Variants in SGMS1 observed in about 807,000 individuals in gnomAD.
SGMS1 encodes the protein phosphatidylcholine:ceramide cholinephosphotransferase 1.
In SGMS1, 13 loss-of-function variants were observed where a neutral mutation model predicts 46.2. That is an observed-to-expected ratio of 0.28 (90% confidence interval 0.18 to 0.45). The LOEUF is 0.45. Ranked by LOEUF, SGMS1 falls within the 20% of genes least tolerant of loss-of-function variation. The pLI, the probability that SGMS1 is intolerant of heterozygous loss-of-function variation, is 1.00. For missense variants in SGMS1, 324 were observed against 519.9 expected, an observed-to-expected ratio of 0.62 and a Z score of 3.66; for synonymous variants, 203 against 187.8, an observed-to-expected ratio of 1.08 and a Z score of -0.66.
intron 3 of SGMS1, among the ~76,000 whole-genome samples, chr10:50,476,374 T>C (rs986212292): frequency 5.9e-5 from 9 of 151,850 alleles, no homozygotes; most frequent in South Asian, 2.1e-4. Flanking sequence ...AGCAGGGCAC[T>C]GCTATAAAGA....
rs567602631 is a variant in SGMS1 at position 50,569,701 on chromosome 10, A to G, written c.-589+20452T>C. 2.0e-5 allele frequency among the ~76,000 whole-genome samples: 3 copies of G among 152,308 alleles called. No homozygotes were observed. In the East Asian group the frequency reaches 5.8e-4, roughly 29 times the overall value. ...TCCCCCAAACAAATAATTTTTAAAA[A>G]TTTTTAAAGAAAAACAAAGTTTTTT... On this transcript the variant is annotated intron_variant, in intron 2 of 10. Coordinates refer to ENST00000361781, the MANE Select transcript of SGMS1 (RefSeq NM_147156.4).
At chr10:50,329,785 A>G (rs1371033554) in intron 7 of SGMS1, among the ~76,000 whole-genome samples, 1 of 152,214 alleles carries the variant, frequency 6.6e-6, no homozygotes, top group Non-Finnish European at 1.5e-5. Flanking sequence ...CACATGGGAT[A>G]CACCTCTCCT....
At chr10:50,539,756 T>C (rs1359242551) in intron 2 of SGMS1, among the ~76,000 whole-genome samples, 1 of 152,228 alleles carries the variant, frequency 6.6e-6, no homozygotes, top group Non-Finnish European at 1.5e-5. Flanking sequence ...CTTGATGTTT[T>C]ATATTCTATC....
chr10:50,367,917 T>C (rs1444578699), intron 6 of SGMS1, among the ~76,000 whole-genome samples: 1 of 152,204 alleles, frequency 6.6e-6, no homozygotes, highest in African/African-American at 2.4e-5. Flanking sequence ...ACCACAGCTC[T>C]AGTTTTGGAC....
chr10:50,443,452 C>T (rs1849570669), intron 5 of SGMS1, among the ~76,000 whole-genome samples: 1 of 151,984 alleles, frequency 6.6e-6, no homozygotes, highest in Non-Finnish European at 1.5e-5. Context: ...TGATGGCAGA[C>T]ATCTCATTCG....
At chr10:50,561,236 A>G (rs922821359) in intron 2 of SGMS1, among the ~76,000 whole-genome samples, 2 of 152,244 alleles carry the variant, frequency 1.3e-5, no homozygotes, top group African/African-American at 4.8e-5. Flanking sequence ...TGTTTTGGGC[A>G]CCAGTCCCAG....
rs1193268272 is a variant in SGMS1 at position 50,374,808 on chromosome 10, GC to G, written c.-231-30464del. ...TCTACCTGAGTCTTTGCACTTGAGG[GC>G]CCTTCTTCTGGAATATTCTTCCCCA... On this transcript the variant is annotated intron_variant, in intron 6 of 10. Transcript: ENST00000361781. Among the ~76,000 whole-genome samples the G allele has an allele frequency of 3.3e-5, 5 of 152,182 alleles. No homozygotes were observed. The East Asian group carries it at 7.7e-4, about 24-fold the overall frequency.
At chr10:50,624,957 C>T (rs1432338791), upstream of SGMS1, 2 of 1,028,702 alleles carry the variant, frequency 1.9e-6, no homozygotes, top group Non-Finnish European at 2.4e-6. Flanking sequence ...AGCCATCTTC[C>T]GCCCGGCCAT....
chr10:50,450,845 A>C (rs1175609943), intron 5 of SGMS1, among the ~76,000 whole-genome samples: 1 of 151,962 alleles, frequency 6.6e-6, no homozygotes, highest in Non-Finnish European at 1.5e-5. Flanking sequence ...AAATTTATTC[A>C]ATTTATTAAA....
chr10:50,394,532 A>C (rs912816249), intron 6 of SGMS1, among the ~76,000 whole-genome samples: 3 of 152,272 alleles, frequency 2.0e-5, no homozygotes, highest in African/African-American at 7.2e-5. Context: ...ATAACTGTCA[A>C]TAGTGTTGAT....
intron 1 of SGMS1, among the ~76,000 whole-genome samples, chr10:50,597,439 T>G (rs1295034633): frequency 6.6e-6 from 1 of 152,182 alleles, no homozygotes; most frequent in Non-Finnish European, 1.5e-5. Context: ...TACTAGTTAG[T>G]AATAAAAAGG....
At chr10:50,568,375 C>T (rs971643033) in intron 2 of SGMS1, among the ~76,000 whole-genome samples, 13 of 152,138 alleles carry the variant, frequency 8.5e-5, no homozygotes, top group African/African-American at 3.1e-4. Context: ...AAGAACAAAA[C>T]AACATTATTT....
At chr10:50,439,571 T>C (rs370994311) in intron 5 of SGMS1, among the ~76,000 whole-genome samples, 81 of 152,286 alleles carry the variant, frequency 5.3e-4, no homozygotes, top group African/African-American at 1.8e-3. Context: ...ATCAATGGCA[T>C]CAAAAATTCT....
At chr10:50,383,997 C>A (rs1848645937) in intron 6 of SGMS1, among the ~76,000 whole-genome samples, 1 of 152,060 alleles carries the variant, frequency 6.6e-6, no homozygotes, top group South Asian at 2.1e-4. Flanking sequence ...AAAGGAGACC[C>A]TAGAGGACTT....
chr10:50,555,350 G>T (rs1398708418), intron 2 of SGMS1, among the ~76,000 whole-genome samples: 1 of 152,138 alleles, frequency 6.6e-6, no homozygotes, highest in Non-Finnish European at 1.5e-5. Context: ...AAATACATCT[G>T]GATTGGAGTC....
chr10:50,384,985 G>A (rs1013779504), intron 6 of SGMS1, among the ~76,000 whole-genome samples: 1 of 152,056 alleles, frequency 6.6e-6, no homozygotes, highest in African/African-American at 2.4e-5. Flanking sequence ...ATTATTTAGT[G>A]TCCCCTTAGT....
intron 7 of SGMS1, among the ~76,000 whole-genome samples, chr10:50,339,606 A>G (rs147538649): frequency 6.6e-6 from 1 of 152,204 alleles, no homozygotes; most frequent in Non-Finnish European, 1.5e-5. Flanking sequence ...TCCTTTACTC[A>G]GTGGAGCATC....
At chr10:50,331,791 A>G (rs192688016) in intron 7 of SGMS1, among the ~76,000 whole-genome samples, 1 of 144,156 alleles carries the variant, frequency 6.9e-6, no homozygotes, top group East Asian at 2.4e-4. Context: ...GGTCTGAATT[A>G]GTGCCCTTAT....
chr10:50,511,159 G>A (rs894097789), intron 3 of SGMS1, among the ~76,000 whole-genome samples: 6 of 151,892 alleles, frequency 4.0e-5, no homozygotes, highest in African/African-American at 4.8e-5. Flanking sequence ...ACCCAGTAGA[G>A]GCAGAGTGGA....
Sources: gnomAD v4.1 joint callset for allele counts (sites outside exome capture counted in the v4.1 genomes callset) on GRCh38, gnomAD v4.1.1 for gene constraint, MANE v1.5 for transcripts, NCBI Gene and HGNC (gene_info 2026-07-23, HGNC 2026-07-21) for gene names.